SNRPN: variants seen among roughly 807,000 people sequenced by gnomAD.
SNRPN encodes the protein small nuclear ribonucleoprotein-associated protein N.
A neutral mutation model predicts 25.2 loss-of-function variants in SNRPN; 7 were observed. That is an observed-to-expected ratio of 0.28 (90% CI 0.16 to 0.52). SNRPN has a LOEUF of 0.52. Among genes scored for constraint, SNRPN ranks in the 20% least tolerant of loss-of-function variants. The pLI, the probability that SNRPN is intolerant of heterozygous loss-of-function variation, is 0.96. For missense variants in SNRPN, 196 were observed against 322.5 expected, an observed-to-expected ratio of 0.61 and a Z score of 3.00; for synonymous variants, 124 against 110.6, an observed-to-expected ratio of 1.12 and a Z score of -0.76.
At chr15:24,884,145 C>T (rs2056981627) in intron 1 of SNRPN, among the ~76,000 whole-genome samples, 2 of 44,168 alleles carry the variant, frequency 4.5e-5, no homozygotes, top group African/African-American at 1.1e-4. Context: ...AACCCTGCCT[C>T]TACAAAAAAA....
chr15:24,899,339 T>G (rs1452186846), intron 2 of SNRPN, among the ~76,000 whole-genome samples: 1 of 152,258 alleles, frequency 6.6e-6, no homozygotes, highest in Non-Finnish European at 1.5e-5. Context: ...TGTTGCCTTT[T>G]AGATCAAAAT....
intron 1 of SNRPN, among the ~76,000 whole-genome samples, chr15:24,860,833 G>T (rs950068570): frequency 6.6e-6 from 1 of 152,114 alleles, no homozygotes; most frequent in East Asian, 1.9e-4. Context: ...AGCAAGTGAG[G>T]AAGCCCATAT....
intron 1 of SNRPN, among the ~76,000 whole-genome samples, chr15:24,883,084 A>C (rs939629655): frequency 2.6e-5 from 4 of 152,270 alleles, no homozygotes; most frequent in African/African-American, 9.6e-5. Flanking sequence ...AATGCTTATC[A>C]CTGTCACACC....
At chr15:24,881,056 CT>C (rs2056534950) in intron 1 of SNRPN, among the ~76,000 whole-genome samples, 1 of 152,130 alleles carries the variant, frequency 6.6e-6, no homozygotes, top group South Asian at 2.1e-4. Flanking sequence ...TTACATTTCA[CT>C]TTTATGAACT....
intron 3 of SNRPN, among the ~76,000 whole-genome samples, chr15:24,970,971 T>G (rs1156854549): frequency 1.3e-5 from 2 of 152,190 alleles, no homozygotes; most frequent in Non-Finnish European, 2.9e-5. Flanking sequence ...CTCTATAATT[T>G]TAAATTTTAA....
At chr15:24,848,581 A>G (rs558479081) in intron 2 of SNRPN, 1 of 152,310 alleles carries the variant, frequency 6.6e-6, no homozygotes, top group South Asian at 2.1e-4. Context: ...TGCAAGAACC[A>G]TGATTTTATA....
upstream of SNRPN, among the ~76,000 whole-genome samples, chr15:24,952,319 G>C (rs2062345158): frequency 6.6e-6 from 1 of 152,058 alleles, no homozygotes; most frequent in Non-Finnish European, 1.5e-5. Context: ...TGCAGTTTTA[G>C]TGTCCTTTAA....
chr15:24,869,905 CT>C (rs2054925935), intron 1 of SNRPN, among the ~76,000 whole-genome samples: 1 of 152,132 alleles, frequency 6.6e-6, no homozygotes, highest in Non-Finnish European at 1.5e-5. Context: ...TACAGTTGGC[CT>C]GTTCTCCACC....
chr15:24,968,855 T>G (rs775184656), intron 3 of SNRPN: 2 of 152,226 alleles, frequency 1.3e-5, no homozygotes, highest in Non-Finnish European at 2.9e-5. Flanking sequence ...TTTAGTTCTT[T>G]TTATGTTGCT....
chr15:24,934,077 C>T (rs1357588661), intron 3 of SNRPN, among the ~76,000 whole-genome samples: 3 of 152,056 alleles, frequency 2.0e-5, no homozygotes, highest in Admixed American at 6.6e-5. Context: ...GCGGGCGAAT[C>T]ACCTGAGTTT....
chr15:24,913,125 A>G (rs1238374329), intron 2 of SNRPN, among the ~76,000 whole-genome samples: 2 of 151,966 alleles, frequency 1.3e-5, no homozygotes, highest in Admixed American at 6.6e-5. Flanking sequence ...TTTTCAGTAG[A>G]GACAGGGTTT....
At chr15:24,955,323 G>A (rs1384715565) in intron 1 of SNRPN, among the ~76,000 whole-genome samples, 1 of 152,008 alleles carries the variant, frequency 6.6e-6, no homozygotes, top group Admixed American at 6.5e-5. Context: ...TCCTATTGCG[G>A]GTGTCTGCGG....
intron 2 of SNRPN, among the ~76,000 whole-genome samples, chr15:24,835,713 A>G (rs1234138697): frequency 1.3e-5 from 2 of 152,156 alleles, no homozygotes; most frequent in African/African-American, 4.8e-5. Context: ...AAAATGTACA[A>G]CTTTTTAAAC....
intron 1 of SNRPN, among the ~76,000 whole-genome samples, chr15:24,879,750 T>A (rs1255810370): frequency 1.3e-5 from 2 of 152,216 alleles, no homozygotes; most frequent in South Asian, 4.1e-4. Flanking sequence ...AACACAGCTA[T>A]GCTGTTCATT....
intron 2 of SNRPN, among the ~76,000 whole-genome samples, chr15:24,834,115 G>C (rs949975145): frequency 8.5e-5 from 13 of 152,134 alleles, no homozygotes; most frequent in Admixed American, 6.5e-4. Context: ...TAGTAGAGAC[G>C]GGGTTTCACC....
chr15:24,968,263 C>A (rs2075939021), intron 3 of SNRPN, 181 bp downstream of exon 3: 3 of 503,254 alleles, frequency 6.0e-6, no homozygotes, highest in Non-Finnish European at 1.1e-5. Flanking sequence ...ACACTTTCGT[C>A]ATGTTTCTGT....
intron 3 of SNRPN, among the ~76,000 whole-genome samples, chr15:24,937,488 ACTCTAGC>A (rs1403552848): frequency 6.6e-6 from 1 of 152,070 alleles, no homozygotes; most frequent in East Asian, 1.9e-4. Context: ...TCACCACTGT[ACTCTAGC>A]CTGGATGACA....
chr15:24,835,008 ATC>A (rs2050956371), intron 2 of SNRPN, among the ~76,000 whole-genome samples: 1 of 69,422 alleles, frequency 1.4e-5, no homozygotes, highest in African/African-American at 4.5e-5. Context: ...TAGTATATAT[ATC>A]TATATATAAA....
chr15:24,834,148 A>T (rs924288110), intron 2 of SNRPN, among the ~76,000 whole-genome samples: 11 of 151,998 alleles, frequency 7.2e-5, no homozygotes, highest in African/African-American at 2.4e-4. Context: ...CTTGTCTCAA[A>T]CTCCTGACCT....
Sources: allele counts gnomAD v4.1 joint callset (sites outside exome capture counted in the v4.1 genomes callset), GRCh38; gene constraint gnomAD v4.1.1; transcripts MANE v1.5; gene names NCBI Gene and HGNC (gene_info 2026-07-23, HGNC 2026-07-21).